SMARCA4: variants seen among roughly 807,000 people sequenced by gnomAD.
SMARCA4 encodes SWI/SNF related BAF chromatin remodeling complex subunit ATPase 4.
Under a neutral mutation model 193.9 loss-of-function variants are expected in SMARCA4, and 31 were observed. That is an observed-to-expected ratio of 0.16 (90% CI 0.12 to 0.22). SMARCA4 has a LOEUF of 0.22. Ranked by LOEUF, SMARCA4 falls within the 10% of genes least tolerant of loss-of-function variation. The pLI is 1.00. For missense variants in SMARCA4, 1,148 were observed against 2,296.0 expected, an observed-to-expected ratio of 0.50 and a Z score of 10.22; for synonymous variants, 942 against 933.1, an observed-to-expected ratio of 1.01 and a Z score of -0.17.
intron 29 of SMARCA4, 40 bp downstream of exon 29, chr19:11,035,172 G>A (rs377671479): frequency 5.6e-5 from 88 of 1,567,108 alleles, no homozygotes; most frequent in South Asian, 3.1e-4. Context: ...GCAGGCCAGC[G>A]CCAGGCAGGG....
intron 1 of SMARCA4, among the ~76,000 whole-genome samples, chr19:10,977,168 C>T (rs1456147120): frequency 6.6e-6 from 1 of 152,198 alleles, no homozygotes; most frequent in East Asian, 1.9e-4. Context: ...TCCTGGATCG[C>T]ACCTAGGGGT....
chr19:11,055,673 T>C (rs2076505276), intron 30 of SMARCA4, among the ~76,000 whole-genome samples: 2 of 152,194 alleles, frequency 1.3e-5, no homozygotes, highest in African/African-American at 4.8e-5. Context: ...AAGCCCCCCA[T>C]GGCCACAGGG....
intron 34 of SMARCA4, chr19:11,060,503 G>A (rs529793342): frequency 1.2e-4 from 58 of 503,310 alleles, no homozygotes; most frequent in South Asian, 1.0e-3. Context: ...GGCCGGGCAG[G>A]CCAGGGCTTG....
At chr19:11,025,371 C>G in intron 21 of SMARCA4, 51 bp from the exon 22 acceptor site, 1 of 1,305,960 alleles carries the variant, frequency 7.7e-7, no homozygotes, top group Non-Finnish European at 1.1e-6. Context: ...CAAGCCCACC[C>G]CACCCCAGGA....
intron 22 of SMARCA4, 70 bp from the exon 23 acceptor site, chr19:11,026,230 T>C (rs376371107): frequency 8.3e-7 from 1 of 1,198,280 alleles, no homozygotes; most frequent in African/African-American, 1.5e-5. Flanking sequence ...ACGAGCGGTG[T>C]GTGCGGACCG....
chr19:11,061,198 AAAAAAAATATATATATATATAT>A (rs1313971329), intron 34 of SMARCA4, among the ~76,000 whole-genome samples: 2,511 of 76,218 alleles, frequency 0.033, 182 homozygotes, highest in African/African-American at 0.12. Context: ...TAAAAAAAAA[AAAAAAAATATATATATATATAT>A]ATATATATAT....
chr19:11,026,818 T>A (rs995728102), intron 23 of SMARCA4, among the ~76,000 whole-genome samples: 2 of 152,196 alleles, frequency 1.3e-5, no homozygotes, highest in Non-Finnish European at 2.9e-5. Flanking sequence ...AAATCTTTAG[T>A]GCTTGGAGAG....
intron 8 of SMARCA4, among the ~76,000 whole-genome samples, chr19:10,993,568 T>A: frequency 6.6e-6 from 1 of 152,206 alleles, no homozygotes; most frequent in East Asian, 1.9e-4. Flanking sequence ...ATCCGTGCCA[T>A]GCTGCCCTGC....
rs750547893 is a variant in SMARCA4, at chr19:10,987,671, A to G, written c.865A>G (p.Met289Val). ...GGCCCCTTGCCTTCTCCCAGGACCCATGGCGAATGCTGCTGCCCCCACGAG... is the reference window on the plus strand; with the variant it reads ...GGCCCCTTGCCTTCTCCCAGGACCCGTGGCGAATGCTGCTGCCCCCACGAG... ...GPPKPWPEGP[M>V]ANAAAPTSTP... Residue 289 changes from methionine (M) to valine (V), a missense_variant, in exon 6 of 35, where the codon ATG (methionine) becomes GTG (valine). Met to Val is a conservative substitution (Grantham distance 21). Around this residue, in one of 17 missense-constraint regions of SMARCA4, gnomAD observed 257 missense variants for 276.5 expected, o/e 0.93. Coordinates refer to ENST00000344626, the MANE Select transcript of SMARCA4 (RefSeq NM_003072.5). This position sits in a 1 kb window ranked among gnomAD's most constrained non-coding sequence, Gnocchi z 5.3. 9.9e-6 allele frequency: 16 copies of G among 1,612,934 alleles called. 1 individual carries two copies. In the South Asian group the frequency reaches 1.3e-4, roughly 13 times the overall value.
chr19:10,991,591 G>A lies in SMARCA4; in HGVS notation c.1419+268G>A, dbSNP rs150351151. Among the ~76,000 whole-genome samples the A allele has an allele frequency of 1.7e-3, 261 of 152,326 alleles. 1 individual carries two copies. The highest frequency in any genetic ancestry group is 6.8e-3 in the Middle Eastern group (2 of 294). ...CAAGCCAGGATAGAGAGGAAGGAAC[G>A]GGCTGTTGTAGAACTGATGTTGGGG... is the stretch of plus-strand genomic sequence containing the variant. On this transcript the variant is annotated intron_variant, in intron 8 of 34. Transcript: ENST00000344626.
intron 30 of SMARCA4, among the ~76,000 whole-genome samples, chr19:11,043,731 T>C (rs947764700): frequency 6.6e-6 from 1 of 152,186 alleles, no homozygotes; most frequent in South Asian, 2.1e-4. Flanking sequence ...CCCAGCACTT[T>C]GGGAGGCTGA....
intron 1 of SMARCA4, chr19:10,983,680 C>T (rs536313833): frequency 7.6e-5 from 14 of 184,858 alleles, no homozygotes; most frequent in Non-Finnish European, 1.3e-4. Context: ...ATGATCTGCC[C>T]GCATTGGCCT....
intron 11 of SMARCA4, among the ~76,000 whole-genome samples, chr19:10,997,111 G>A (rs77074080): frequency 0.059 from 8,975 of 151,758 alleles, 291 homozygotes; most frequent in South Asian, 0.11. Flanking sequence ...CCTCCGCCCC[G>A]CGAGTTCAAT....
chr19:11,056,646 G>A (rs948692511), intron 30 of SMARCA4, among the ~76,000 whole-genome samples: 16 of 152,164 alleles, frequency 1.1e-4, no homozygotes, highest in Admixed American at 2.0e-4. Flanking sequence ...GGATGATGGC[G>A]GTTGTCAAGG....
intron 1 of SMARCA4, among the ~76,000 whole-genome samples, chr19:10,972,454 A>T (rs1452060423): frequency 6.7e-6 from 1 of 149,352 alleles, no homozygotes; most frequent in Non-Finnish European, 1.5e-5. Flanking sequence ...ACATTGTGTC[A>T]TGTTTGGCTA....
chr19:11,054,452 TCCC>T (rs1321603716), intron 30 of SMARCA4, among the ~76,000 whole-genome samples: 1 of 152,158 alleles, frequency 6.6e-6, no homozygotes, highest in Non-Finnish European at 1.5e-5. Context: ...CCCAGGATCA[TCCC>T]TGGGGGAAGG....
intron 22 of SMARCA4, 57 bp downstream of exon 22, chr19:11,025,565 A>C (rs1308588814): frequency 7.9e-7 from 1 of 1,272,304 alleles, no homozygotes; most frequent in Non-Finnish European, 1.1e-6. Flanking sequence ...GCTCCTAGGC[A>C]GAGCTGGCTT....
At chr19:11,046,968 G>T (rs1479535102) in intron 30 of SMARCA4, among the ~76,000 whole-genome samples, 1 of 121,368 alleles carries the variant, frequency 8.2e-6, no homozygotes. Context: ...AAAAAAAAAA[G>T]CAAAAGAAAA....
chr19:10,980,633 CA>C (rs34189729), intron 1 of SMARCA4: 137,957 of 146,468 alleles, frequency 0.94, 64,969 homozygotes, highest in South Asian at 0.99. Flanking sequence ...GACTCTGTCT[CA>C]AAAAAAAAAA....
Sources: allele counts gnomAD v4.1 joint callset (sites outside exome capture counted in the v4.1 genomes callset), GRCh38; gene constraint gnomAD v4.1.1; regional missense constraint gnomAD v4.1.1; non-coding constraint Gnocchi (gnomAD v3.1); transcripts MANE v1.5; gene names NCBI Gene and HGNC (gene_info 2026-07-23, HGNC 2026-07-21).